DGKB: variants seen among roughly 807,000 people sequenced by gnomAD.
DGKB encodes 90 kDa diacylglycerol kinase.
Under a neutral mutation model 114.3 loss-of-function variants are expected in DGKB, and 67 were observed. That is an observed-to-expected ratio of 0.59 (90% CI 0.48 to 0.72). The LOEUF is 0.72. DGKB is among the 30% of genes least tolerant of loss of function. DGKB has a pLI of 0.00. For synonymous variants in DGKB, 398 were observed against 323.1 expected (o/e 1.23, Z -2.49); for missense variants, 907 against 975.2 (o/e 0.93, Z 0.93).
chr7:14,311,351 T>A (rs191068106), intron 23 of DGKB, among the ~76,000 whole-genome samples: 1 of 152,186 alleles, frequency 6.6e-6, no homozygotes, highest in Non-Finnish European at 1.5e-5. Flanking sequence ...AGTTGGCAGA[T>A]CCCCCACACT....
At chr7:14,572,928 A>G (rs1346916332) in intron 20 of DGKB, among the ~76,000 whole-genome samples, 1 of 152,196 alleles carries the variant, frequency 6.6e-6, no homozygotes. Flanking sequence ...TAGAATGTCC[A>G]TAAAAGACAA....
intron 23 of DGKB, among the ~76,000 whole-genome samples, chr7:14,320,583 A>G (rs1349228388): frequency 6.6e-6 from 1 of 151,776 alleles, no homozygotes; most frequent in Non-Finnish European, 1.5e-5. Context: ...GTGTACATAT[A>G]TAGTACATAT....
chr7:14,251,598 T>A (rs545239603), intron 23 of DGKB, among the ~76,000 whole-genome samples: 2 of 152,278 alleles, frequency 1.3e-5, no homozygotes, highest in African/African-American at 4.8e-5. Flanking sequence ...TAGGGAGTTT[T>A]ATTTTTTACT....
intron 1 of DGKB, among the ~76,000 whole-genome samples, chr7:14,856,826 T>C (rs1850220568): frequency 6.6e-6 from 1 of 152,156 alleles, no homozygotes; most frequent in Admixed American, 6.6e-5. Context: ...TATGCTTTAT[T>C]ATAGGCTGCC....
intron 1 of DGKB, among the ~76,000 whole-genome samples, chr7:14,873,124 G>A (rs2128200387): frequency 6.6e-6 from 1 of 152,186 alleles, no homozygotes; most frequent in East Asian, 1.9e-4. Flanking sequence ...AGGCATCCTG[G>A]CTGAGAAATA....
intron 21 of DGKB, among the ~76,000 whole-genome samples, chr7:14,357,761 T>C (rs1814863768): frequency 6.6e-6 from 1 of 152,198 alleles, no homozygotes; most frequent in African/African-American, 2.4e-5. Flanking sequence ...TGTTTAGTGC[T>C]TCCTTCAGGA....
At chr7:14,310,126 G>GA (rs1297804463) in intron 23 of DGKB, among the ~76,000 whole-genome samples, 1 of 152,142 alleles carries the variant, frequency 6.6e-6, no homozygotes, top group Non-Finnish European at 1.5e-5. Flanking sequence ...GCATGCCTGA[G>GA]AAAATATATA....
At chr7:14,769,134 A>AGG in intron 2 of DGKB, among the ~76,000 whole-genome samples, 1 of 148,630 alleles carries the variant, frequency 6.7e-6, no homozygotes, top group Admixed American at 6.8e-5. Context: ...AGAGAGAGAG[A>AGG]GAAAGAAAGA....
intron 23 of DGKB, among the ~76,000 whole-genome samples, chr7:14,264,510 G>A (rs932648179): frequency 6.6e-6 from 1 of 152,096 alleles, no homozygotes; most frequent in African/African-American, 2.4e-5. Flanking sequence ...CACAGTAGAG[G>A]CTCCACTCAT....
upstream of DGKB, chr7:14,903,343 A>G (rs1466805158): frequency 6.6e-6 from 1 of 152,102 alleles, no homozygotes; most frequent in Non-Finnish European, 1.5e-5. Flanking sequence ...ACTCTTGCTG[A>G]TGGAGCTCAG....
At chr7:14,864,731 G>A (rs528791255) in intron 1 of DGKB, among the ~76,000 whole-genome samples, 1 of 151,992 alleles carries the variant, frequency 6.6e-6, no homozygotes, top group South Asian at 2.1e-4. Flanking sequence ...CAACAGTCGG[G>A]GTGTTACAAG....
chr7:14,260,944 T>A (rs543341889), intron 23 of DGKB, among the ~76,000 whole-genome samples: 3 of 152,286 alleles, frequency 2.0e-5, no homozygotes, highest in Admixed American at 1.3e-4. Context: ...CAAAGAGTCA[T>A]GAAAATCACT....
chr7:14,284,610 C>G (rs1421877568), intron 23 of DGKB, among the ~76,000 whole-genome samples: 3 of 142,762 alleles, frequency 2.1e-5, no homozygotes, highest in East Asian at 2.0e-4. Flanking sequence ...TGGAACCAAC[C>G]CAAATGTCCA....
chr7:14,771,599 T>A (rs1364759507), intron 2 of DGKB, among the ~76,000 whole-genome samples: 1 of 152,126 alleles, frequency 6.6e-6, no homozygotes, highest in Non-Finnish European at 1.5e-5. Flanking sequence ...TTACAAATCA[T>A]AAATTCTCAT....
chr7:14,372,366 C>A (rs1817800082), intron 21 of DGKB, among the ~76,000 whole-genome samples: 1 of 152,180 alleles, frequency 6.6e-6, no homozygotes, highest in Admixed American at 6.6e-5. Context: ...CTCCAAGTGG[C>A]TGAGGCAAGC....
At chr7:14,574,429 A>G in intron 19 of DGKB, 57 bp from the exon 20 acceptor site, 1 of 1,478,460 alleles carries the variant, frequency 6.8e-7, no homozygotes, top group Non-Finnish European at 9.2e-7. Flanking sequence ...AAAAAGCTGT[A>G]TTTTTATGTT....
intron 6 of DGKB, among the ~76,000 whole-genome samples, chr7:14,715,464 G>A (rs1312845019): frequency 1.3e-5 from 2 of 152,064 alleles, no homozygotes; most frequent in African/African-American, 4.8e-5. Context: ...CATTCACAGA[G>A]GCTGTTGGTA....
intron 23 of DGKB, among the ~76,000 whole-genome samples, chr7:14,245,477 C>T (rs571858586): frequency 1.3e-5 from 2 of 152,176 alleles, no homozygotes; most frequent in South Asian, 2.1e-4. Context: ...AGATTCTAGC[C>T]AAGAGGTATG....
At chr7:14,214,791 A>G (rs543740664) in intron 23 of DGKB, among the ~76,000 whole-genome samples, 1 of 152,138 alleles carries the variant, frequency 6.6e-6, no homozygotes, top group Non-Finnish European at 1.5e-5. Context: ...AAATGCCCAA[A>G]CAGCTTCTTT....
Sources: gnomAD v4.1 joint callset for allele counts (sites outside exome capture counted in the v4.1 genomes callset) on GRCh38, gnomAD v4.1.1 for gene constraint, MANE v1.5 for transcripts, NCBI Gene and HGNC (gene_info 2026-07-23, HGNC 2026-07-21) for gene names.